NCAPH2: variants seen among roughly 807,000 people sequenced by gnomAD.
NCAPH2 encodes condensin-2 complex subunit H2.
Under a neutral mutation model 88.6 loss-of-function variants are expected in NCAPH2, and 56 were observed. That is an observed-to-expected ratio of 0.63 (90% CI 0.51 to 0.79). The LOEUF (loss-of-function observed/expected upper bound fraction) is 0.79, where lower values mean the gene tolerates loss of function less well. Among genes scored for constraint, NCAPH2 ranks in the 30% least tolerant of loss-of-function variants. The probability of loss-of-function intolerance (pLI) is 0.00; values close to 1 mark genes in which losing one functional copy is unlikely to be tolerated. For missense variants in NCAPH2, 794 were observed against 792.0 expected, an observed-to-expected ratio of 1.00 and a Z score of -0.03; for synonymous variants, 378 against 313.6, an observed-to-expected ratio of 1.21 and a Z score of -2.17.
chr22:50,521,934 A>C, intron 12 of NCAPH2, 52 bp from the exon 13 acceptor site: 1 of 1,613,682 alleles, frequency 6.2e-7, no homozygotes, highest in Non-Finnish European at 8.5e-7. Context: ...CCCTTTTCCC[A>C]ATGCTGTGGG....
chr22:50,523,928 G>C lies in NCAPH2; in HGVS notation c.*553G>C. 1 of 1,613,056 alleles carries C rather than the reference G, an allele frequency of 6.2e-7. No homozygotes were observed. Among genetic ancestry groups the C allele is most frequent in the Non-Finnish European group, 8.5e-7 (1 of 1,179,406 alleles). On this transcript the variant is annotated 3_prime_UTR_variant, in exon 20 of 20. Coordinates refer to ENST00000420993, the MANE Select transcript of NCAPH2 (RefSeq NM_152299.4). ...TCGGGGTCCACAGTGATGAAGACAG[G>C]CTGCACTGGAGGCAAACCAGGCTCT...
intron 1 of NCAPH2, chr22:50,515,668 T>C: frequency 8.7e-6 from 11 of 1,257,576 alleles, no homozygotes; most frequent in Non-Finnish European, 1.1e-5. Context: ...AGTGCTGGGA[T>C]TACAGGTGTG....
intron 1 of NCAPH2, 51 bp from the exon 2 acceptor site, chr22:50,516,396 G>T: frequency 1.9e-6 from 3 of 1,565,764 alleles, no homozygotes; most frequent in African/African-American, 2.7e-5. Flanking sequence ...TGGAAGAAGC[G>T]AGTGCAGACT....
At position 50,523,319 on chromosome 22, in the gene NCAPH2, CAGCGAGCGCACA is replaced by C. The variant is rs745412204; in HGVS notation, c.1767_1778del (p.Ala590_Arg593del). ...CATGTCCCTGAGACTGCTCACGCACCAGCGAGCGCACAAGCGCTTCCAGACCTACGCTGCCCC... is the reference window on the plus strand; with the variant it reads ...CATGTCCCTGAGACTGCTCACGCACCAGCGCTTCCAGACCTACGCTGCCCC... On this transcript the variant is annotated inframe_deletion, in exon 20 of 20. Transcript: ENST00000420993. 17 of 1,585,030 alleles carry C rather than the reference CAGCGAGCGCACA, an allele frequency of 1.1e-5. No homozygotes were observed. Among genetic ancestry groups the C allele is most frequent in the South Asian group, 3.4e-5 (3 of 87,630 alleles).
At chr22:50,516,970 C>T (rs140525) in intron 2 of NCAPH2, among the ~76,000 whole-genome samples, 23,469 of 152,210 alleles carry the variant, frequency 0.15, 1,956 homozygotes, top group East Asian at 0.29. Context: ...GTCCTGCAGG[C>T]CCCGTGGCGG....
intron 16 of NCAPH2, 43 bp from the exon 17 acceptor site, chr22:50,522,628 G>A (rs768232599): frequency 6.2e-7 from 1 of 1,613,604 alleles, no homozygotes; most frequent in South Asian, 1.1e-5. Context: ...GCAGGGGAGA[G>A]CGTGGCCCCT....
chr22:50,516,385 C>G, intron 1 of NCAPH2, 62 bp from the exon 2 acceptor site: 3 of 1,536,396 alleles, frequency 2.0e-6, no homozygotes, highest in Non-Finnish European at 2.7e-6. Flanking sequence ...TGGGGCTGCC[C>G]TGGAAGAAGC....
At chr22:50,510,233 T>C (rs2068748392) in intron 1 of NCAPH2, among the ~76,000 whole-genome samples, 1 of 151,944 alleles carries the variant, frequency 6.6e-6, no homozygotes, top group South Asian at 2.1e-4. Context: ...TTTTTTGTTT[T>C]TAAATAAAGA....
intron 1 of NCAPH2, among the ~76,000 whole-genome samples, chr22:50,509,739 C>A (rs1361207147): frequency 1.3e-5 from 2 of 152,138 alleles, no homozygotes; most frequent in Admixed American, 6.6e-5. Flanking sequence ...CAGTGGCTTT[C>A]CATTATGCCC....
rs2069251732 is a variant in NCAPH2, at chr22:50,524,634, C to T, written c.*1259C>T. Reference sequence around the variant, plus strand: ...CCACACCTGTCACTCCTGTCCTCTACCTGGGATCACCAGCCTGTCACCGCA... The same window carrying T: ...CCACACCTGTCACTCCTGTCCTCTATCTGGGATCACCAGCCTGTCACCGCA... On this transcript the variant is annotated 3_prime_UTR_variant, in exon 20 of 20. Transcript: ENST00000420993. 1 of 705,596 alleles carries T rather than the reference C, an allele frequency of 1.4e-6. No individual in the cohort carries two copies. The highest frequency in any genetic ancestry group is 2.6e-6 in the Non-Finnish European group (1 of 378,094). 43.7% of individuals were successfully genotyped at this position (705,596 alleles called of 1,614,324 possible).
Position 50,521,051 on chromosome 22 carries a change from G to T in NCAPH2, c.933+15G>T, listed in dbSNP as rs1603441444. 6.5e-7 allele frequency: 1 copy of T among 1,549,298 alleles called. No individual in the cohort carries two copies. The highest frequency in any genetic ancestry group is 2.4e-5 in the East Asian group (1 of 40,918). On this transcript the variant is annotated intron_variant, in intron 10 of 19. Transcript: ENST00000420993. ...CCTGCGTGAAGGTAGGAGTGTTGGGGCCCTGACCCCCGGCAGGGAGGGATG... is the reference window on the plus strand; with the variant it reads ...CCTGCGTGAAGGTAGGAGTGTTGGGTCCCTGACCCCCGGCAGGGAGGGATG...
chr22:50,516,320 C>A, intron 1 of NCAPH2, 127 bp from the exon 2 acceptor site: 1 of 765,240 alleles, frequency 1.3e-6, no homozygotes, highest in South Asian at 1.6e-5. Flanking sequence ...GGTGAGCCCA[C>A]AGCATAGCTA....
At position 50,522,540 on chromosome 22, in the gene NCAPH2, G is replaced by T. The variant is rs771643893; in HGVS notation, c.1346G>T (p.Gly449Val). The change falls in exon 16 of 20, where the codon GGA (glycine) becomes GTA (valine). Residue 449 changes from glycine (G) to valine (V), a missense_variant. Coordinates refer to ENST00000420993, the MANE Select transcript of NCAPH2 (RefSeq NM_152299.4). Reference sequence around the variant, plus strand: ...CCTGAGGAGTACATGGAGCCCGAGGGAGCAGACCCCAGGGAAGCCGCTGAC... The same window carrying T: ...CCTGAGGAGTACATGGAGCCCGAGGTAGCAGACCCCAGGGAAGCCGCTGAC... ...LEPEEYMEPE[G>V]ADPREAADLD... 2 of 1,613,636 alleles carry T rather than the reference G, an allele frequency of 1.2e-6. No homozygotes were observed. The highest frequency in any genetic ancestry group is 1.7e-6 in the Non-Finnish European group (2 of 1,179,986).
Position 50,522,396 on chromosome 22 carries a change from G to A in NCAPH2, c.1287G>A (p.Leu429=), listed in dbSNP as rs1382065375. 1.2e-6 allele frequency: 2 copies of A among 1,610,234 alleles called. No homozygotes were observed. Among genetic ancestry groups the A allele is most frequent in the African/African-American group, 1.3e-5 (1 of 75,020 alleles). ...AGGAGGACCACCTGGAGGATTCCCT[G>A]GAAGACCTGGGGGCAGCAGGTGGGT... ...PAEEDHLEDS[L]EDLGAADDFL... Residue 429 remains leucine, a synonymous_variant, in exon 15 of 20, where the codon CTG becomes CTA. Transcript: ENST00000420993.
At chr22:50,521,493 C>T (rs747008679) in intron 10 of NCAPH2, 50 bp from the exon 11 acceptor site, 112 of 1,582,286 alleles carry the variant, frequency 7.1e-5, no homozygotes, top group East Asian at 9.0e-5. Context: ...TTGGGAGGGA[C>T]GGCTGTGCAC....
Position 50,522,570 on chromosome 22 carries a change from G to GT in NCAPH2, c.1375+2dup. 1 of 1,613,728 alleles carries GT rather than the reference G, an allele frequency of 6.2e-7. No individual in the cohort carries two copies. Among genetic ancestry groups the GT allele is most frequent in the African/African-American group, 1.3e-5 (1 of 75,008 alleles). On this transcript the variant is annotated splice_donor_variant, in intron 16 of 19. Coordinates refer to ENST00000420993, the MANE Select transcript of NCAPH2 (RefSeq NM_152299.4). LOFTEE classifies it high-confidence loss of function. The stretch of plus-strand genomic sequence containing the variant: ...GACCCCAGGGAAGCCGCTGACCTTG[G>GT]TAGGTGGGCAGCGGGCTAGGAGTGC...
At chr22:50,518,542 TG>T in intron 7 of NCAPH2, 106 bp from the exon 8 acceptor site, 1 of 1,210,816 alleles carries the variant, frequency 8.3e-7, no homozygotes, top group Non-Finnish European at 1.2e-6. Context: ...TGGAGTCTGC[TG>T]GTCTCTGCCC....
At position 50,508,400 on chromosome 22, in the gene NCAPH2, C is replaced by T. The variant is rs987208637; in HGVS notation, c.63C>T (p.Asn21=). ...AGCCCATCCGCGACCTCACCAAGAA[C>T]TGGGAGGTGGACGTGGCGGCCCAGC... ...LLQPIRDLTK[N]WEVDVAAQLG... Residue 21 remains asparagine, a synonymous_variant, in exon 1 of 20, where the codon AAC becomes AAT. Transcript: ENST00000420993. The T allele has an allele frequency of 4.9e-6, 7 of 1,425,398 alleles. No individual in the cohort carries two copies. The African/African-American group carries it at 6.1e-5, about 12-fold the overall frequency. 88.3% of individuals were successfully genotyped at this position (1,425,398 alleles called of 1,614,324 possible).
chr22:50,522,225 ACT>A lies in NCAPH2; in HGVS notation c.1211_1212del (p.Leu404ProfsTer10). On this transcript the variant is annotated frameshift_variant, in exon 14 of 20. Coordinates refer to ENST00000420993, the MANE Select transcript of NCAPH2 (RefSeq NM_152299.4). LOFTEE classifies it high-confidence loss of function. ...GACACACGTGAAGGAGCAGTTGGAA[ACT>A]CTCCGGAAGCTGCAGAGGAGGGAGG... ...YWTHVKEQLE[T>X]LRKLQRREVA... is the part of the protein sequence containing the mutation. The A allele has an allele frequency of 1.2e-6, 2 of 1,613,330 alleles. No individual in the cohort carries two copies. Among genetic ancestry groups the A allele is most frequent in the Non-Finnish European group, 8.5e-7 (1 of 1,179,850 alleles).
Sources: allele counts gnomAD v4.1 joint callset (sites outside exome capture counted in the v4.1 genomes callset), GRCh38; gene constraint gnomAD v4.1.1; transcripts MANE v1.5; gene names NCBI Gene and HGNC (gene_info 2026-07-23, HGNC 2026-07-21).